TMEM132D: variants seen among roughly 807,000 people sequenced by gnomAD.
TMEM132D encodes the protein transmembrane protein 132D.
TMEM132D carries 21 observed loss-of-function variants against 62.3 expected under a neutral mutation model. The observed-to-expected ratio is 0.34, with a 90% CI of 0.24 to 0.49. The LOEUF is 0.49. TMEM132D is among the 20% of genes least tolerant of loss of function. The probability of loss-of-function intolerance (pLI) is 0.99; values close to 1 mark genes in which losing one functional copy is unlikely to be tolerated. For missense variants in TMEM132D, 1,346 were observed against 1,402.8 expected, an observed-to-expected ratio of 0.96 and a Z score of 0.65; for synonymous variants, 621 against 575.6, an observed-to-expected ratio of 1.08 and a Z score of -1.13.
Position 129,209,601 on chromosome 12 carries a change from C to A in TMEM132D, c.1362G>T (p.Val454=). 4.3e-6 allele frequency: 7 copies of A among 1,614,228 alleles called. No homozygotes were observed. Among genetic ancestry groups the A allele is most frequent in the Non-Finnish European group, 5.9e-6 (7 of 1,180,036 alleles). The change falls in exon 5 of 9, where the codon GTG becomes GTT. Residue 454 remains valine, a synonymous_variant. Transcript: ENST00000422113. ...CTGTGCCGTCGTCCTCCACGGAGAC[C>A]ACTTTCACCGGGACGGCCACCGTCT... ...TGKTVAVPVK[V]VSVEDDGTVT...
At chr12:129,748,583 C>T (rs1018873989) in intron 1 of TMEM132D, among the ~76,000 whole-genome samples, 14 of 151,992 alleles carry the variant, frequency 9.2e-5, no homozygotes, top group South Asian at 4.1e-4. Context: ...ACTATTTCAA[C>T]GAGGAGGTTC....
At chr12:129,654,594 T>C (rs754668240) in intron 2 of TMEM132D, among the ~76,000 whole-genome samples, 3 of 152,190 alleles carry the variant, frequency 2.0e-5, no homozygotes, top group Non-Finnish European at 4.4e-5. Context: ...TTAACAGATA[T>C]CAGAATGAGA....
chr12:129,547,545 C>T (rs1170858835), intron 2 of TMEM132D, among the ~76,000 whole-genome samples: 1 of 152,174 alleles, frequency 6.6e-6, no homozygotes, highest in Non-Finnish European at 1.5e-5. Flanking sequence ...CACAGTTCAA[C>T]CCTCAACACC....
intron 3 of TMEM132D, among the ~76,000 whole-genome samples, chr12:129,374,269 C>CAGAGAGAGAGAGAGAG (rs35178347): frequency 0.12 from 17,934 of 144,014 alleles, 1,298 homozygotes; most frequent in Middle Eastern, 0.17. Flanking sequence ...CCTCACACAT[C>CAGAGAGAGAGAGAGAG]AGAGAGAGAG....
chr12:129,516,070 AGGACTGC>A (rs1389275209), intron 3 of TMEM132D, among the ~76,000 whole-genome samples: 1 of 152,168 alleles, frequency 6.6e-6, no homozygotes, highest in Non-Finnish European at 1.5e-5. Context: ...CTCCATCCTC[AGGACTGC>A]TGGATGTGTC....
At chr12:129,368,045 A>C (rs994812852) in intron 3 of TMEM132D, among the ~76,000 whole-genome samples, 12 of 152,136 alleles carry the variant, frequency 7.9e-5, no homozygotes, top group African/African-American at 2.2e-4. Flanking sequence ...CACCCACCTC[A>C]GCCTCTCAAA....
rs561836553 is a variant in TMEM132D, at chr12:129,411,954, C to T, written c.1116-74137G>A. On this transcript the variant is annotated intron_variant, in intron 3 of 8. Transcript: ENST00000422113. The stretch of plus-strand genomic sequence containing the variant: ...GATGTGAATAGGGTTGTTTAATCCT[C>T]CTCCTTCAACTAGAATTACCAAATG... Among the ~76,000 whole-genome samples, 113 of 152,296 alleles carry T rather than the reference C, an allele frequency of 7.4e-4. 1 individual carries two copies. The highest frequency in any genetic ancestry group is 2.6e-3 in the African/African-American group (110 of 41,570).
At chr12:129,477,883 C>CAG (rs928793852) in intron 3 of TMEM132D, among the ~76,000 whole-genome samples, 15 of 150,700 alleles carry the variant, frequency 1.0e-4, no homozygotes, top group Admixed American at 4.6e-4. Flanking sequence ...GAGAGAGAGA[C>CAG]AGAGAGAGAG....
chr12:129,629,711 C>T (rs1879307482), intron 2 of TMEM132D, among the ~76,000 whole-genome samples: 1 of 151,944 alleles, frequency 6.6e-6, no homozygotes, highest in South Asian at 2.1e-4. Context: ...CCGTGAAAAT[C>T]CCCCGGACAG....
Position 129,890,616 on chromosome 12 carries a change from G to A in TMEM132D, c.79+12645C>T, listed in dbSNP as rs552061162. Reference sequence around the variant, plus strand: ...AAAAGAGATTTCTAAAGAGTTACACGAAAGCCAAAAATGTCAGTCCTTCCT... The same window carrying A: ...AAAAGAGATTTCTAAAGAGTTACACAAAAGCCAAAAATGTCAGTCCTTCCT... On this transcript the variant is annotated intron_variant, in intron 1 of 8. Coordinates refer to ENST00000422113, the MANE Select transcript of TMEM132D (RefSeq NM_133448.3). Among the ~76,000 whole-genome samples the A allele has an allele frequency of 2.0e-5, 3 of 152,276 alleles. No individual in the cohort carries two copies. The South Asian group carries it at 6.2e-4, about 32-fold the overall frequency.
intron 5 of TMEM132D, among the ~76,000 whole-genome samples, chr12:129,143,864 G>A (rs770097673): frequency 1.6e-4 from 25 of 152,078 alleles, no homozygotes; most frequent in Admixed American, 3.3e-4. Flanking sequence ...GATACAATTT[G>A]AGAACTCAAA....
chr12:129,718,558 C>T (rs1868681037), intron 1 of TMEM132D, among the ~76,000 whole-genome samples: 1 of 152,020 alleles, frequency 6.6e-6, no homozygotes, highest in African/African-American at 2.4e-5. Context: ...CTTATGAAGG[C>T]CTTTTATGGA....
At chr12:129,463,119 C>T (rs1044469796) in intron 3 of TMEM132D, among the ~76,000 whole-genome samples, 6 of 152,178 alleles carry the variant, frequency 3.9e-5, no homozygotes, top group African/African-American at 9.7e-5. Flanking sequence ...TGGAGAAGAG[C>T]GCTGAACCTA....
intron 1 of TMEM132D, among the ~76,000 whole-genome samples, chr12:129,895,125 C>T (rs1023194533): frequency 1.3e-5 from 2 of 152,172 alleles, no homozygotes; most frequent in Admixed American, 6.5e-5. Flanking sequence ...AAGGTTCATA[C>T]CACACCATCT....
chr12:129,811,504 T>A (rs569900543), intron 1 of TMEM132D, among the ~76,000 whole-genome samples: 1 of 151,732 alleles, frequency 6.6e-6, no homozygotes, highest in Non-Finnish European at 1.5e-5. Flanking sequence ...TCACCCCATC[T>A]TTATCATTTG....
chr12:129,556,680 A>G lies in TMEM132D; in HGVS notation c.969-25475T>C, dbSNP rs148260956. ...TATTTGCATACATCTGGGAAATCCA[A>G]TGTCCAAAACGATAGCCCCTGATAA... is the stretch of plus-strand genomic sequence containing the variant. On this transcript the variant is annotated intron_variant, in intron 2 of 8. Coordinates refer to ENST00000422113, the MANE Select transcript of TMEM132D (RefSeq NM_133448.3). Among the ~76,000 whole-genome samples, 159 of 152,324 alleles carry G rather than the reference A, an allele frequency of 1.0e-3. 1 individual carries two copies. The highest frequency in any genetic ancestry group is 3.5e-3 in the African/African-American group (147 of 41,584).
intron 5 of TMEM132D, among the ~76,000 whole-genome samples, chr12:129,107,636 G>A (rs983030793): frequency 1.3e-5 from 2 of 152,174 alleles, no homozygotes; most frequent in African/African-American, 4.8e-5. Flanking sequence ...CTACAGTGCA[G>A]ATAACTACAG....
chr12:129,236,721 A>T (rs928358313), intron 4 of TMEM132D, among the ~76,000 whole-genome samples: 5 of 151,960 alleles, frequency 3.3e-5, no homozygotes, highest in Non-Finnish European at 7.4e-5. Context: ...TTGTTTTTTT[A>T]AAAAATCACT....
Position 129,700,552 on chromosome 12 carries a change from G to A in TMEM132D, c.226C>T (p.Gln76Ter), listed in dbSNP as rs2137227631. The change falls in exon 2 of 9, where the codon CAG becomes TAG. Residue 76 changes from glutamine (Q) to a stop codon, truncating the protein, a stop_gained. Coordinates refer to ENST00000422113, the MANE Select transcript of TMEM132D (RefSeq NM_133448.3). LOFTEE classifies it high-confidence loss of function. ...NQDIMRNSSL[Q>*]SRVESFLIYK... Reference sequence around the variant, plus strand: ...ATCAGAAATGACTCCACCCGGGACTGCAGGCTGGAGTTCCTCATGATATCC... The same window carrying A: ...ATCAGAAATGACTCCACCCGGGACTACAGGCTGGAGTTCCTCATGATATCC... 1.2e-6 allele frequency: 2 copies of A among 1,614,098 alleles called. No individual in the cohort carries two copies. The highest frequency in any genetic ancestry group is 8.5e-7 in the Non-Finnish European group (1 of 1,180,016).
Sources: allele counts gnomAD v4.1 joint callset (sites outside exome capture counted in the v4.1 genomes callset), GRCh38; gene constraint gnomAD v4.1.1; transcripts MANE v1.5; gene names NCBI Gene and HGNC (gene_info 2026-07-23, HGNC 2026-07-21).